The following SCAPER variants were observed in gnomAD, a reference collection of about 807,000 sequenced individuals.
SCAPER encodes the protein S phase cyclin A-associated protein in the endoplasmic reticulum.
A neutral mutation model predicts 182.2 loss-of-function variants in SCAPER; 98 were observed. That is an observed-to-expected ratio of 0.54 (90% confidence interval 0.46 to 0.64). The LOEUF is 0.64. SCAPER is among the 30% of genes least tolerant of loss of function. The pLI is 0.00. For missense variants in SCAPER, 1,432 were observed against 1,690.0 expected (o/e 0.85, Z 2.68); for synonymous variants, 605 against 564.6 (o/e 1.07, Z -1.01).
intron 1 of SCAPER, among the ~76,000 whole-genome samples, chr15:76,899,646 C>G (rs1329427765): frequency 6.6e-6 from 1 of 152,112 alleles, no homozygotes; most frequent in Non-Finnish European, 1.5e-5. Context: ...TGAGGAGCCC[C>G]TCTGCCTGGC....
intron 20 of SCAPER, among the ~76,000 whole-genome samples, chr15:76,674,720 C>T (rs1053642067): frequency 6.6e-6 from 1 of 152,126 alleles, no homozygotes; most frequent in Admixed American, 6.5e-5. Flanking sequence ...CAGAACTGTA[C>T]TGTAAAAAAT....
chr15:76,614,594 C>A (rs1156721608), intron 22 of SCAPER, among the ~76,000 whole-genome samples: 1 of 151,670 alleles, frequency 6.6e-6, no homozygotes, highest in Non-Finnish European at 1.5e-5. Flanking sequence ...CAAAAGTAGT[C>A]AAAGAAAAAT....
intron 26 of SCAPER, among the ~76,000 whole-genome samples, chr15:76,411,347 C>T (rs2957612): frequency 0.1 from 15,959 of 152,002 alleles, 1,014 homozygotes; most frequent in African/African-American, 0.18. Flanking sequence ...AAGAGAAATG[C>T]CCACTGGAGC....
chr15:76,489,465 CTT>C (rs1297454389), intron 24 of SCAPER, among the ~76,000 whole-genome samples: 5 of 151,750 alleles, frequency 3.3e-5, no homozygotes, highest in African/African-American at 4.8e-5. Flanking sequence ...TCTCCCAACC[CTT>C]GTTTTCTATT....
chr15:76,779,278 C>G (rs780710588), intron 8 of SCAPER, among the ~76,000 whole-genome samples: 4 of 151,910 alleles, frequency 2.6e-5, no homozygotes, highest in Non-Finnish European at 5.9e-5. Flanking sequence ...CATGATAAAC[C>G]ATATCTGAGG....
intron 15 of SCAPER, among the ~76,000 whole-genome samples, chr15:76,748,509 GACA>G (rs1226861704): frequency 2.6e-5 from 4 of 151,470 alleles, no homozygotes; most frequent in South Asian, 2.1e-4. Context: ...ACTGGAATTT[GACA>G]ACATTAAAAA....
intron 5 of SCAPER, among the ~76,000 whole-genome samples, chr15:76,829,986 G>C (rs182043655): frequency 2.5e-4 from 38 of 152,280 alleles, no homozygotes; most frequent in African/African-American, 7.9e-4. Context: ...CACTATAAGA[G>C]CATATCATAG....
chr15:76,796,670 C>A (rs551273983), intron 7 of SCAPER, among the ~76,000 whole-genome samples: 1 of 152,166 alleles, frequency 6.6e-6, no homozygotes. Context: ...TTACCACACA[C>A]GAATTAACGG....
At chr15:76,580,006 G>T (rs1045753747) in intron 22 of SCAPER, among the ~76,000 whole-genome samples, 1 of 152,092 alleles carries the variant, frequency 6.6e-6, no homozygotes, top group African/African-American at 2.4e-5. Flanking sequence ...AAATATTGGA[G>T]CACACAGATA....
At chr15:76,497,479 A>G (rs2040668870) in intron 24 of SCAPER, among the ~76,000 whole-genome samples, 1 of 152,156 alleles carries the variant, frequency 6.6e-6, no homozygotes, top group Non-Finnish European at 1.5e-5. Context: ...AACAAGTAGT[A>G]TTCATAAAAC....
chr15:76,687,143 A>C (rs2058077600), intron 20 of SCAPER, among the ~76,000 whole-genome samples: 1 of 152,176 alleles, frequency 6.6e-6, no homozygotes, highest in Admixed American at 6.5e-5. Flanking sequence ...AGATGTGAAG[A>C]AATAACAATA....
intron 17 of SCAPER, among the ~76,000 whole-genome samples, chr15:76,722,089 G>A (rs929865268): frequency 2.0e-5 from 3 of 152,146 alleles, no homozygotes; most frequent in East Asian, 1.9e-4. Flanking sequence ...TTATTATTTT[G>A]AGATTTGTCC....
In SCAPER at chr15:76,602,710, C is replaced by T. The variant is rs1245441631; in HGVS notation, c.2711+19054G>A. On this transcript the variant is annotated intron_variant, in intron 22 of 31. Coordinates refer to ENST00000563290, the MANE Select transcript of SCAPER (RefSeq NM_020843.4). ...CCTTCTGGTATCCCAATTACATGTA[C>T]GTTATACCTTTTTGCAGTTGTCCCA... Among the ~76,000 whole-genome samples, 34 of 119,830 alleles carry T rather than the reference C, an allele frequency of 2.8e-4. 12 individuals carry two copies. Among genetic ancestry groups the T allele is most frequent in the Non-Finnish European group, 6.2e-4 (31 of 49,640 alleles). 78.6% of individuals were successfully genotyped at this position (119,830 alleles called of 152,430 possible).
intron 23 of SCAPER, among the ~76,000 whole-genome samples, chr15:76,542,397 C>T (rs2044840511): frequency 6.6e-6 from 1 of 152,000 alleles, no homozygotes; most frequent in Admixed American, 6.6e-5. Flanking sequence ...GTGGTGGCCA[C>T]CTGTAATCCC....
In SCAPER at chr15:76,671,390, T is replaced by C. The variant is rs570111784; in HGVS notation, c.2509-5601A>G. The stretch of plus-strand genomic sequence containing the variant: ...GAATTTTGAACTCTCTGAATCTCCA[T>C]ATACAAACATAAAGAGCAATTAGAT... On this transcript the variant is annotated intron_variant, in intron 20 of 31. Transcript: ENST00000563290. Among the ~76,000 whole-genome samples, 4 of 152,196 alleles carry C rather than the reference T, an allele frequency of 2.6e-5. No individual in the cohort carries two copies. The East Asian group carries it at 7.8e-4, about 29-fold the overall frequency.
intron 1 of SCAPER, among the ~76,000 whole-genome samples, chr15:76,895,577 T>C (rs2074386245): frequency 6.6e-6 from 1 of 151,986 alleles, no homozygotes; most frequent in Admixed American, 6.5e-5. Context: ...AGTGAAATTG[T>C]CTGTTTGCAG....
Position 76,510,819 on chromosome 15 carries a change from C to T in SCAPER, c.2839-5845G>A, listed in dbSNP as rs547730197. ...GTGATTGCAAAAATGTGGAACCAAC[C>T]CAAATGCCCATCAATCAACAAGTGG... On this transcript the variant is annotated intron_variant, in intron 23 of 31. Coordinates refer to ENST00000563290, the MANE Select transcript of SCAPER (RefSeq NM_020843.4). Among the ~76,000 whole-genome samples the T allele has an allele frequency of 9.9e-5, 15 of 152,256 alleles. No homozygotes were observed. In the South Asian group the frequency reaches 3.1e-3, roughly 32 times the overall value.
chr15:76,408,195 C>A (rs1048838671), intron 26 of SCAPER, among the ~76,000 whole-genome samples: 5 of 152,244 alleles, frequency 3.3e-5, no homozygotes, highest in Admixed American at 2.6e-4. Context: ...TCTTTTAAAA[C>A]CCCCTTTGAA....
At position 76,600,515 on chromosome 15, in the gene SCAPER, T is replaced by C. The variant is rs1268656892; in HGVS notation, c.2711+21249A>G. 1.8e-5 allele frequency among the ~76,000 whole-genome samples: 2 copies of C among 112,270 alleles called. 1 individual carries two copies. Among genetic ancestry groups the C allele is most frequent in the Non-Finnish European group, 4.3e-5 (2 of 46,798 alleles). The allele number at this position is 112,270 out of a possible 152,430, so 73.7% of individuals were successfully genotyped here. ...CCCAGGCTGGAGTGCAATGGCACCA[T>C]CTCTACCCACTGCAACCTCCGCCTC... is the stretch of plus-strand genomic sequence containing the variant. On this transcript the variant is annotated intron_variant, in intron 22 of 31. Transcript: ENST00000563290.
Sources: gnomAD v4.1 joint callset for allele counts (sites outside exome capture counted in the v4.1 genomes callset) on GRCh38, gnomAD v4.1.1 for gene constraint, MANE v1.5 for transcripts, NCBI Gene and HGNC (gene_info 2026-07-23, HGNC 2026-07-21) for gene names.